DPY19L3: variants seen among roughly 807,000 people sequenced by gnomAD.
DPY19L3 encodes the protein protein C-mannosyl-transferase DPY19L3.
In DPY19L3, 51 loss-of-function variants were observed where a neutral mutation model predicts 92.3. The ratio of observed to expected loss-of-function variants is 0.55; its 90% CI spans 0.44 to 0.70. The LOEUF (loss-of-function observed/expected upper bound fraction) is 0.70, where lower values mean the gene tolerates loss of function less well. DPY19L3 is among the 30% of genes least tolerant of loss of function. DPY19L3 has a pLI of 0.00. For missense variants in DPY19L3, 706 were observed against 855.9 expected, an observed-to-expected ratio of 0.82 and a Z score of 2.18; for synonymous variants, 309 against 315.2, an observed-to-expected ratio of 0.98 and a Z score of 0.21.
intron 3 of DPY19L3, among the ~76,000 whole-genome samples, chr19:32,421,396 T>C (rs1968562141): frequency 6.6e-6 from 1 of 152,084 alleles, no homozygotes; most frequent in South Asian, 2.1e-4. Context: ...TCCCAGCACT[T>C]TGGGAGGCCG....
chr19:32,463,921 T>C lies in DPY19L3; in HGVS notation c.1498T>C (p.Cys500Arg). 1 of 1,613,750 alleles carries C rather than the reference T, an allele frequency of 6.2e-7. No homozygotes were observed. Among genetic ancestry groups the C allele is most frequent in the Non-Finnish European group, 8.5e-7 (1 of 1,179,712 alleles). Reference protein sequence around the residue: ...HMCVFASFGLCSPEIWELLLK... With the variant: ...HMCVFASFGLRSPEIWELLLK... Reference sequence around the variant, plus strand: ...GTGTGTGTTCGCATCATTCGGCCTATGTAGCCCTGAAATATGGGAGTTACT... The same window carrying C: ...GTGTGTGTTCGCATCATTCGGCCTACGTAGCCCTGAAATATGGGAGTTACT... Residue 500 changes from cysteine to arginine, a missense_variant, in exon 14 of 19, where the codon TGT becomes CGT. By Grantham distance (180) the Cys-to-Arg change is radical. Coordinates refer to ENST00000392250, the MANE Select transcript of DPY19L3 (RefSeq NM_001172774.2).
chr19:32,476,637 C>G (rs1294979310), intron 16 of DPY19L3, among the ~76,000 whole-genome samples: 1 of 150,580 alleles, frequency 6.6e-6, no homozygotes, highest in Non-Finnish European at 1.5e-5. Context: ...GGAGTCTTTT[C>G]TTGGTCCCTA....
intron 15 of DPY19L3, chr19:32,468,091 G>C: frequency 1.0e-6 from 1 of 985,094 alleles, no homozygotes; most frequent in Non-Finnish European, 1.2e-6. Context: ...AAATGAAAAG[G>C]GGGCTGGATT....
intron 3 of DPY19L3, among the ~76,000 whole-genome samples, chr19:32,421,706 AG>A (rs1968577341): frequency 1.3e-5 from 2 of 151,978 alleles, no homozygotes; most frequent in South Asian, 4.2e-4. Flanking sequence ...CGTCCTCCAA[AG>A]TTAGTGGCAT....
chr19:32,420,329 C>T (rs1275530064), intron 3 of DPY19L3, among the ~76,000 whole-genome samples: 5 of 152,088 alleles, frequency 3.3e-5, no homozygotes, highest in African/African-American at 4.8e-5. Context: ...TGGATGGGAA[C>T]TAGAACCAAA....
chr19:32,412,776 A>C (rs1006177589), intron 3 of DPY19L3: 1 of 152,182 alleles, frequency 6.6e-6, no homozygotes, highest in African/African-American at 2.4e-5. Flanking sequence ...CTAAAAATAC[A>C]AAAATTAGCC....
intron 9 of DPY19L3, among the ~76,000 whole-genome samples, chr19:32,453,740 G>A (rs994249862): frequency 2.0e-5 from 3 of 151,954 alleles, no homozygotes; most frequent in Non-Finnish European, 2.9e-5. Context: ...ATTTTTAGGT[G>A]AATTAAAATT....
chr19:32,446,234 G>A (rs897030398), intron 8 of DPY19L3, among the ~76,000 whole-genome samples: 12 of 151,888 alleles, frequency 7.9e-5, no homozygotes, highest in African/African-American at 2.4e-4. Context: ...AAAACTATAC[G>A]AAGCAGTACA....
At chr19:32,472,771 A>G (rs1970396192) in intron 16 of DPY19L3, among the ~76,000 whole-genome samples, 1 of 152,184 alleles carries the variant, frequency 6.6e-6, no homozygotes, top group African/African-American at 2.4e-5. Context: ...ATTTTGAGGG[A>G]TGACATTTTA....
Position 32,411,270 on chromosome 19 carries a change from G to T in DPY19L3, c.135G>T (p.Leu45Phe). 1.2e-6 allele frequency: 2 copies of T among 1,612,658 alleles called. No homozygotes were observed. Among genetic ancestry groups the T allele is most frequent in the Non-Finnish European group, 1.7e-6 (2 of 1,179,906 alleles). Residue 45 changes from leucine (L) to phenylalanine (F), a missense_variant, in exon 3 of 19, where the codon TTG becomes TTT. Physicochemically the swap from Leu to Phe is conservative, Grantham distance 22 (BLOSUM62 0). Coordinates refer to ENST00000392250, the MANE Select transcript of DPY19L3 (RefSeq NM_001172774.2). ...CCAGTAGAAGATTATGGAAGATTTT[G>T]TCATTGACAATTGGTGGAACCATTG... ...GCTSRRLWKI[L>F]SLTIGGTIAL...
intron 12 of DPY19L3, among the ~76,000 whole-genome samples, 180 bp downstream of exon 12, chr19:32,458,689 A>T (rs1233183833): frequency 2.0e-5 from 3 of 152,166 alleles, no homozygotes; most frequent in Non-Finnish European, 4.4e-5. Flanking sequence ...CAGAGTAATG[A>T]TCAGATTGCA....
chr19:32,439,384 T>C, intron 7 of DPY19L3, 149 bp downstream of exon 7: 1 of 871,492 alleles, frequency 1.1e-6, no homozygotes, highest in Non-Finnish European at 1.6e-6. Context: ...AGTTTTCTTT[T>C]CGTGAGCTTT....
chr19:32,469,033 C>T, intron 16 of DPY19L3: 1 of 325,002 alleles, frequency 3.1e-6, no homozygotes, highest in Non-Finnish European at 5.4e-6. Context: ...GGAAAATACC[C>T]ATTTGGAGAG....
chr19:32,475,500 GC>G (rs758577111), intron 16 of DPY19L3, among the ~76,000 whole-genome samples: 5 of 152,234 alleles, frequency 3.3e-5, no homozygotes, highest in Non-Finnish European at 7.3e-5. Flanking sequence ...CTGTGGAATG[GC>G]TCATGCCAGT....
At chr19:32,442,659 G>C (rs560245750) in intron 8 of DPY19L3, among the ~76,000 whole-genome samples, 1 of 152,160 alleles carries the variant, frequency 6.6e-6, no homozygotes, top group African/African-American at 2.4e-5. Flanking sequence ...CAGAAACCTG[G>C]GAATAACAAT....
intron 8 of DPY19L3, among the ~76,000 whole-genome samples, chr19:32,445,872 G>A (rs1470513407): frequency 6.6e-6 from 1 of 151,996 alleles, no homozygotes; most frequent in Non-Finnish European, 1.5e-5. Flanking sequence ...GTGATGATGG[G>A]TGCCTGTAAT....
chr19:32,406,502 G>A lies in DPY19L3; in HGVS notation c.-38+593G>A, dbSNP rs1193200891. Among the ~76,000 whole-genome samples, 3 of 151,924 alleles carry A rather than the reference G, an allele frequency of 2.0e-5. No individual in the cohort carries two copies. In the East Asian group the frequency reaches 5.8e-4, roughly 29 times the overall value. Reference sequence around the variant, plus strand: ...AGCCTCTGGAGTAGCTGGGACCACAGGCATGCACCACCGAGCCTGGCTATT... The same window carrying A: ...AGCCTCTGGAGTAGCTGGGACCACAAGCATGCACCACCGAGCCTGGCTATT... On this transcript the variant is annotated intron_variant, in intron 1 of 18. Transcript: ENST00000392250.
chr19:32,477,553 G>A lies in DPY19L3; in HGVS notation c.1729G>A (p.Gly577Arg). ...SNTPRKAVFA[G>R]SMQLLAGVKL... is the part of the protein sequence containing the mutation. ...CACTCCAAGAAAGGCTGTGTTTGCG[G>A]GAAGCATGCAGTTGCTGGCCGGAGT... The change falls in exon 17 of 19, where the codon GGA becomes AGA. Residue 577 changes from glycine (G) to arginine (R), a missense_variant. Coordinates refer to ENST00000392250, the MANE Select transcript of DPY19L3 (RefSeq NM_001172774.2). 2 of 1,614,124 alleles carry A rather than the reference G, an allele frequency of 1.2e-6. No homozygotes were observed. Among genetic ancestry groups the A allele is most frequent in the Non-Finnish European group, 8.5e-7 (1 of 1,180,026 alleles).
chr19:32,425,963 G>A (rs1246759171), intron 3 of DPY19L3, among the ~76,000 whole-genome samples: 1 of 152,228 alleles, frequency 6.6e-6, no homozygotes, highest in Non-Finnish European at 1.5e-5. Flanking sequence ...CTCCTGAGCT[G>A]TAAAAGTCCG....
Sources: gnomAD v4.1 joint callset for allele counts (sites outside exome capture counted in the v4.1 genomes callset) on GRCh38, gnomAD v4.1.1 for gene constraint, MANE v1.5 for transcripts, NCBI Gene and HGNC (gene_info 2026-07-23, HGNC 2026-07-21) for gene names.